The following GLI2 variants were observed in gnomAD, a reference collection of about 807,000 sequenced individuals.
The protein encoded by GLI2 is transcription activator GLI2.
GLI2 carries 22 observed loss-of-function variants against 78.9 expected under a neutral mutation model. The ratio of observed to expected loss-of-function variants is 0.28; its 90% CI spans 0.20 to 0.40. The LOEUF is 0.40. Among genes scored for constraint, GLI2 ranks in the 10% least tolerant of loss-of-function variants. GLI2 has a pLI of 1.00. For missense variants in GLI2, 2,097 were observed against 2,213.2 expected (o/e 0.95, Z 1.05); for synonymous variants, 974 against 963.7 (o/e 1.01, Z -0.20).
chr2:120,955,701 A>G (rs1681227424), intron 5 of GLI2, among the ~76,000 whole-genome samples: 1 of 152,212 alleles, frequency 6.6e-6, no homozygotes, highest in Non-Finnish European at 1.5e-5. Context: ...GATGCCAAGT[A>G]GCTCTAGGAA....
intron 2 of GLI2, among the ~76,000 whole-genome samples, chr2:120,893,846 TTTGTGGACC>T (rs1337217166): frequency 6.6e-6 from 1 of 152,150 alleles, no homozygotes; most frequent in Non-Finnish European, 1.5e-5. Context: ...AGTCCAGGCC[TTTGTGGACC>T]TGGTCTGGGG....
intron 2 of GLI2, among the ~76,000 whole-genome samples, chr2:120,923,444 G>A (rs946201940): frequency 3.3e-5 from 5 of 151,564 alleles, no homozygotes; most frequent in Non-Finnish European, 5.9e-5. Context: ...TATACACACA[G>A]CAACATGCAC....
At chr2:120,829,426 G>T (rs1686249221) in intron 2 of GLI2, among the ~76,000 whole-genome samples, 1 of 152,210 alleles carries the variant, frequency 6.6e-6, no homozygotes, top group African/African-American at 2.4e-5. Flanking sequence ...CCAGGAGTTG[G>T]ACAGTGCTAG....
chr2:120,934,425 C>T (rs747343267), intron 3 of GLI2, among the ~76,000 whole-genome samples: 15 of 152,228 alleles, frequency 9.9e-5, no homozygotes, highest in Non-Finnish European at 1.5e-4. Context: ...ACTCCACCCC[C>T]GACCTGACCA....
At chr2:120,776,317 T>C (rs949959915) in intron 1 of GLI2, among the ~76,000 whole-genome samples, 8 of 152,256 alleles carry the variant, frequency 5.3e-5, no homozygotes, top group African/African-American at 1.9e-4. Flanking sequence ...GGAACCCAGC[T>C]CCTGACTCCT....
At chr2:120,862,203 A>G (rs889795804) in intron 2 of GLI2, among the ~76,000 whole-genome samples, 7 of 152,236 alleles carry the variant, frequency 4.6e-5, no homozygotes, top group African/African-American at 1.7e-4. Context: ...GCAGATGTCT[A>G]TGCAGGAGGG....
intron 1 of GLI2, among the ~76,000 whole-genome samples, chr2:120,783,704 A>G (rs1455467744): frequency 1.3e-5 from 2 of 152,028 alleles, no homozygotes; most frequent in Admixed American, 1.3e-4. Flanking sequence ...CTGGCAGCAC[A>G]GAGTTTTTGG....
At chr2:120,970,713 C>A in intron 7 of GLI2, 107 bp downstream of exon 7, 1 of 948,278 alleles carries the variant, frequency 1.1e-6, no homozygotes, top group Non-Finnish European at 1.6e-6. Context: ...TCTGGATTTA[C>A]GTCTGGCCGC....
At chr2:120,902,735 T>G (rs1009554340) in intron 2 of GLI2, among the ~76,000 whole-genome samples, 1 of 152,248 alleles carries the variant, frequency 6.6e-6, no homozygotes, top group African/African-American at 2.4e-5. Flanking sequence ...CACCTCCTGT[T>G]CCTGGCATCT....
At chr2:120,742,559 C>T (rs1024107272) in intron 1 of GLI2, among the ~76,000 whole-genome samples, 2 of 151,876 alleles carry the variant, frequency 1.3e-5, no homozygotes, top group East Asian at 1.9e-4. Context: ...TGTGTGTGTA[C>T]GCACGCCGAG....
intron 1 of GLI2, among the ~76,000 whole-genome samples, chr2:120,755,766 A>G (rs1162668152): frequency 6.6e-6 from 1 of 152,004 alleles, no homozygotes; most frequent in Non-Finnish European, 1.5e-5. Flanking sequence ...TAATATTTGT[A>G]TATAATACAA....
chr2:120,788,155 G>A (rs990401205), intron 1 of GLI2, among the ~76,000 whole-genome samples: 1 of 152,208 alleles, frequency 6.6e-6, no homozygotes, highest in African/African-American at 2.4e-5. Flanking sequence ...GATTCTTGTC[G>A]ACAGTTCCTG....
At chr2:120,933,293 A>C (rs1004658919) in intron 3 of GLI2, among the ~76,000 whole-genome samples, 5 of 152,062 alleles carry the variant, frequency 3.3e-5, no homozygotes, top group Non-Finnish European at 7.3e-5. Flanking sequence ...GCAGGCTTGC[A>C]TGGCTTACTG....
intron 2 of GLI2, among the ~76,000 whole-genome samples, chr2:120,826,932 C>T (rs543213990): frequency 3.3e-5 from 5 of 152,212 alleles, no homozygotes; most frequent in Non-Finnish European, 7.3e-5. Flanking sequence ...GCCACATCTC[C>T]CCACACCCCA....
At chr2:120,846,780 T>C (rs533188155) in intron 2 of GLI2, among the ~76,000 whole-genome samples, 1 of 152,320 alleles carries the variant, frequency 6.6e-6, no homozygotes, top group East Asian at 1.9e-4. Context: ...TGAGATTCTC[T>C]TTTTTCACCT....
At chr2:120,985,972 C>T (rs72957222) in intron 12 of GLI2, among the ~76,000 whole-genome samples, 2,783 of 152,344 alleles carry the variant, frequency 0.018, 79 homozygotes, top group African/African-American at 0.062. Flanking sequence ...AAGTGCCTTC[C>T]TTTGTGCCAT....
At chr2:120,778,608 G>A (rs922673861) in intron 1 of GLI2, among the ~76,000 whole-genome samples, 8 of 152,118 alleles carry the variant, frequency 5.3e-5, no homozygotes, top group East Asian at 1.9e-4. Flanking sequence ...GGGGTGAGAC[G>A]GGGTGAAGTC....
In GLI2 at chr2:120,908,836, G is replaced by C. The variant is rs118146039; in HGVS notation, c.149-18525G>C. Among the ~76,000 whole-genome samples the C allele has an allele frequency of 1.1e-3, 171 of 152,322 alleles. 1 individual carries two copies. The highest frequency in any genetic ancestry group is 7.3e-3 in the East Asian group (38 of 5,180). ...AATCTTATTTTGCCCAGAAAGGAAGGGGGGAGCCAGCCACTAAGGAGAGTG... is the reference window on the plus strand; with the variant it reads ...AATCTTATTTTGCCCAGAAAGGAAGCGGGGAGCCAGCCACTAAGGAGAGTG... On this transcript the variant is annotated intron_variant, in intron 2 of 13. Transcript: ENST00000361492.
chr2:120,829,199 G>A (rs59371365), intron 2 of GLI2, among the ~76,000 whole-genome samples: 2,458 of 152,254 alleles, frequency 0.016, 64 homozygotes, highest in African/African-American at 0.055. Flanking sequence ...GCACACATTC[G>A]CATGCACACG....
Sources: allele counts gnomAD v4.1 joint callset (sites outside exome capture counted in the v4.1 genomes callset), GRCh38; gene constraint gnomAD v4.1.1; transcripts MANE v1.5; gene names NCBI Gene and HGNC (gene_info 2026-07-23, HGNC 2026-07-21).